The following ATAD2 variants were observed in gnomAD, a reference collection of about 807,000 sequenced individuals.
The protein encoded by ATAD2 is ATPase family AAA domain containing 2, also known as ATPase family AAA domain-containing protein 2.
ATAD2 carries 62 observed loss-of-function variants against 168.9 expected under a neutral mutation model. The observed-to-expected ratio is 0.37, with a 90% confidence interval of 0.30 to 0.45. The LOEUF (loss-of-function observed/expected upper bound fraction) is 0.45. ATAD2 is among the 20% of genes least tolerant of loss of function. The probability of loss-of-function intolerance (pLI) is 1.00; values close to 1 mark genes in which losing one functional copy is unlikely to be tolerated. For synonymous variants in ATAD2, 613 were observed against 571.6 expected (o/e 1.07, Z -1.03); for missense variants, 1,419 against 1,667.8 (o/e 0.85, Z 2.60).
At chr8:123,367,562 G>C (rs1829020832) in intron 8 of ATAD2, among the ~76,000 whole-genome samples, 1 of 152,050 alleles carries the variant, frequency 6.6e-6, no homozygotes. Flanking sequence ...GGGATTCTAG[G>C]GAACACTATA....
intron 19 of ATAD2, 39 bp downstream of exon 19, chr8:123,344,845 C>CT: frequency 6.3e-7 from 1 of 1,593,546 alleles, no homozygotes; most frequent in South Asian, 1.1e-5. Context: ...AGAAACAACT[C>CT]TTTTTGAAAG....
At chr8:123,329,746 C>CAAAA (rs68104102) in intron 24 of ATAD2, among the ~76,000 whole-genome samples, 4 of 84,384 alleles carry the variant, frequency 4.7e-5, no homozygotes, top group African/African-American at 5.0e-5. Flanking sequence ...AACTCCGTCT[C>CAAAA]AAAAAAAAAA....
In ATAD2 at chr8:123,336,404, G is replaced by T. The variant is rs937766810; in HGVS notation, c.3180C>A (p.Ala1060=). The T allele has an allele frequency of 3.8e-6, 6 of 1,579,588 alleles. No individual in the cohort carries two copies. The African/African-American group carries it at 8.3e-5, about 22-fold the overall frequency. Residue 1060 remains alanine (A), a synonymous_variant, in exon 22 of 28, where the codon GCC becomes GCA. Coordinates refer to ENST00000287394, the MANE Select transcript of ATAD2 (RefSeq NM_014109.4). ...LRDIDLICSN[A]LEYNPDRDPG... The stretch of plus-strand genomic sequence containing the variant: ...GATCTCTATCTGGATTGTATTCTAA[G>T]GCATTACTACAGATTAGATCAATAT...
At chr8:123,328,773 T>C (rs2131282147) in intron 24 of ATAD2, among the ~76,000 whole-genome samples, 194 bp from the exon 25 acceptor site, 1 of 150,104 alleles carries the variant, frequency 6.7e-6, no homozygotes, top group Non-Finnish European at 1.5e-5. Flanking sequence ...CATAAAATGG[T>C]AAAAAATTTT....
chr8:123,381,140 A>G (rs1177904137), intron 1 of ATAD2, among the ~76,000 whole-genome samples: 1 of 152,194 alleles, frequency 6.6e-6, no homozygotes, highest in African/African-American at 2.4e-5. Context: ...TTAAACAATG[A>G]AAAAGAGTTA....
intron 4 of ATAD2, 105 bp downstream of exon 4, chr8:123,371,565 G>A (rs1351014579): frequency 1.3e-5 from 13 of 1,012,192 alleles, no homozygotes; most frequent in East Asian, 5.1e-5. Flanking sequence ...TACGCTTTAC[G>A]TAGTAGAATG....
At position 123,328,354 on chromosome 8, in the gene ATAD2, C is replaced by G. The variant is rs2131281025; in HGVS notation, c.3704G>C (p.Ser1235Thr). The G allele has an allele frequency of 2.5e-6, 4 of 1,604,352 alleles. No homozygotes were observed. In the South Asian group the frequency reaches 4.6e-5, roughly 18 times the overall value. Residue 1235 changes from serine to threonine, a missense_variant, in exon 25 of 28, where the codon AGC becomes ACC. By Grantham distance (58) the Ser-to-Thr change is moderately conservative (BLOSUM62 1). Coordinates refer to ENST00000287394, the MANE Select transcript of ATAD2 (RefSeq NM_014109.4). The stretch of plus-strand genomic sequence containing the variant: ...TGAATTATTTCTCAATTCCAGTTTG[C>G]TTTCAGAGGCATTTTGCTGTTTTTC... ...ENEKQQNASE[S>T]KLELRNNSNT... is the part of the protein sequence containing the mutation.
At chr8:123,331,342 G>A (rs1827770093) in intron 24 of ATAD2, among the ~76,000 whole-genome samples, 2 of 152,146 alleles carry the variant, frequency 1.3e-5, no homozygotes, top group South Asian at 4.2e-4. Context: ...GGGTTCAAGT[G>A]ATTCTCATGC....
intron 1 of ATAD2, among the ~76,000 whole-genome samples, chr8:123,395,685 G>A (rs1012438180): frequency 6.6e-6 from 1 of 152,168 alleles, no homozygotes; most frequent in African/African-American, 2.4e-5. Flanking sequence ...TATTCACTGC[G>A]CTGTTATTAC....
chr8:123,402,667 C>T lies in ATAD2; in HGVS notation c.-2281-1492G>A, dbSNP rs1232245060. Among the ~76,000 whole-genome samples, 3 of 152,102 alleles carry T rather than the reference C, an allele frequency of 2.0e-5. No individual in the cohort carries two copies. Among genetic ancestry groups the T allele is most frequent in the African/African-American group, 7.2e-5 (3 of 41,428 alleles). On this transcript the variant is annotated intron_variant, in intron 1 of 28. Coordinates refer to the ATAD2 transcript ENST00000521903. This position sits in a 1 kb window ranked among gnomAD's most constrained non-coding sequence, Gnocchi z 4.8. ...GCTGCTCTGGTCATGGCTGCCTGCCCCTCATTCCTGACTCACCACCGTCCC... is the reference window on the plus strand; with the variant it reads ...GCTGCTCTGGTCATGGCTGCCTGCCTCTCATTCCTGACTCACCACCGTCCC...
At chr8:123,415,680 C>T (rs962661181) in intron 1 of ATAD2, among the ~76,000 whole-genome samples, 3 of 152,160 alleles carry the variant, frequency 2.0e-5, no homozygotes, top group East Asian at 1.9e-4. Context: ...CTGCAACCTC[C>T]GCCTCCCGGG....
intron 24 of ATAD2, among the ~76,000 whole-genome samples, chr8:123,330,488 C>T (rs1009591962): frequency 1.3e-5 from 2 of 152,122 alleles, no homozygotes; most frequent in African/African-American, 4.8e-5. Context: ...CCTCAGCCTC[C>T]CGAGTAGCTG....
chr8:123,356,575 T>G (rs924872074), intron 12 of ATAD2, 98 bp from the exon 13 acceptor site: 2 of 706,032 alleles, frequency 2.8e-6, no homozygotes, highest in Admixed American at 3.2e-5. Flanking sequence ...CAAATATGCT[T>G]AACAGAATTT....
At chr8:123,395,356 G>A (rs2129982840) in intron 1 of ATAD2, among the ~76,000 whole-genome samples, 1 of 152,212 alleles carries the variant, frequency 6.6e-6, no homozygotes, top group South Asian at 2.1e-4. Flanking sequence ...CTTTAACTCT[G>A]CCCTGCAAAA....
At chr8:123,405,320 G>A (rs1813055089) in intron 1 of ATAD2, among the ~76,000 whole-genome samples, 1 of 149,264 alleles carries the variant, frequency 6.7e-6, no homozygotes, top group African/African-American at 2.5e-5. Context: ...GCAATGGTGC[G>A]ACCTCAGCTC....
intron 1 of ATAD2, among the ~76,000 whole-genome samples, chr8:123,391,071 A>C (rs1829814040): frequency 1.3e-5 from 2 of 152,220 alleles, no homozygotes; most frequent in South Asian, 4.1e-4. Context: ...CAATTTAAAA[A>C]AAACACCCTA....
intron 13 of ATAD2, among the ~76,000 whole-genome samples, chr8:123,350,422 T>C (rs1441583141): frequency 6.6e-6 from 1 of 152,242 alleles, no homozygotes; most frequent in Non-Finnish European, 1.5e-5. Flanking sequence ...AATTCTTTAA[T>C]AATATCTAAT....
At chr8:123,406,382 C>CA (rs34085644) in intron 1 of ATAD2, among the ~76,000 whole-genome samples, 35,595 of 90,812 alleles carry the variant, frequency 0.39, 8,010 homozygotes, top group Middle Eastern at 0.51. Context: ...ACTGTCTCAC[C>CA]AAAAAAAAAA....
chr8:123,358,780 G>A (rs1286764212), intron 11 of ATAD2, among the ~76,000 whole-genome samples: 2 of 134,726 alleles, frequency 1.5e-5, no homozygotes, highest in African/African-American at 5.7e-5. Context: ...CGCCCAGGCT[G>A]GAATGCGGTG....
Sources: gnomAD v4.1 joint callset for allele counts (sites outside exome capture counted in the v4.1 genomes callset) on GRCh38, gnomAD v4.1.1 for gene constraint, Gnocchi (gnomAD v3.1) non-coding constraint, MANE v1.5 for transcripts, NCBI Gene and HGNC (gene_info 2026-07-23, HGNC 2026-07-21) for gene names.